The following CDH18 variants were observed in gnomAD, a reference collection of about 807,000 sequenced individuals.
CDH18 encodes the protein cadherin-18.
In CDH18, 31 loss-of-function variants were observed where a neutral mutation model predicts 67.9. The observed-to-expected ratio is 0.46, with a 90% CI of 0.34 to 0.62. The LOEUF is 0.62. Among genes scored for constraint, CDH18 ranks in the 20% least tolerant of loss-of-function variants. The probability of loss-of-function intolerance (pLI) is 0.01; values close to 1 mark genes in which losing one functional copy is unlikely to be tolerated. For synonymous variants in CDH18, 362 were observed against 347.2 expected, an observed-to-expected ratio of 1.04 and a Z score of -0.48; for missense variants, 890 against 975.5, an observed-to-expected ratio of 0.91 and a Z score of 1.17.
intron 2 of CDH18, among the ~76,000 whole-genome samples, chr5:20,041,838 A>T (rs1400268958): frequency 6.6e-6 from 1 of 152,264 alleles, no homozygotes; most frequent in Non-Finnish European, 1.5e-5. Context: ...AAGCAGAATA[A>T]TAATTCTGTT....
intron 2 of CDH18, among the ~76,000 whole-genome samples, chr5:20,016,098 G>A (rs1485465923): frequency 6.6e-6 from 1 of 152,098 alleles, no homozygotes; most frequent in Non-Finnish European, 1.5e-5. Context: ...TAACAAAAAT[G>A]TGGTACTTAT....
intron 2 of CDH18, among the ~76,000 whole-genome samples, chr5:20,154,451 C>A: frequency 6.6e-6 from 1 of 152,096 alleles, no homozygotes; most frequent in Non-Finnish European, 1.5e-5. Context: ...ACAGTCTTCC[C>A]AAACAATATC....
intron 2 of CDH18, among the ~76,000 whole-genome samples, chr5:20,109,497 G>C (rs1747268694): frequency 2.0e-5 from 3 of 152,170 alleles, no homozygotes; most frequent in Admixed American, 2.0e-4. Flanking sequence ...TGCCCCAGAG[G>C]AACGTGGCTC....
intron 5 of CDH18, among the ~76,000 whole-genome samples, chr5:19,630,886 T>C (rs1004412667): frequency 1.3e-5 from 2 of 152,106 alleles, no homozygotes; most frequent in Non-Finnish European, 2.9e-5. Context: ...GGAATTAACA[T>C]GGCAAATAAT....
At chr5:20,467,312 T>C (rs1751703709) in intron 1 of CDH18, among the ~76,000 whole-genome samples, 1 of 146,350 alleles carries the variant, frequency 6.8e-6, no homozygotes, top group African/African-American at 2.5e-5. Flanking sequence ...ATTATATATA[T>C]AAAAAAGGAC....
intron 3 of CDH18, among the ~76,000 whole-genome samples, chr5:19,753,611 A>G (rs1771141524): frequency 6.6e-6 from 1 of 152,218 alleles, no homozygotes; most frequent in African/African-American, 2.4e-5. Flanking sequence ...TGGGGGAAAA[A>G]ATTGAGGAAA....
intron 1 of CDH18, among the ~76,000 whole-genome samples, chr5:20,393,580 C>T (rs1032951731): frequency 1.3e-5 from 2 of 151,840 alleles, no homozygotes; most frequent in Admixed American, 1.3e-4. Flanking sequence ...TACAACTACA[C>T]TATCTCTGTT....
At chr5:19,932,729 G>A (rs1793836659) in intron 2 of CDH18, among the ~76,000 whole-genome samples, 1 of 151,426 alleles carries the variant, frequency 6.6e-6, no homozygotes, top group Non-Finnish European at 1.5e-5. Flanking sequence ...TATCCATCCT[G>A]TCTGCCTTTT....
intron 1 of CDH18, among the ~76,000 whole-genome samples, chr5:20,509,462 G>T (rs1269731058): frequency 6.7e-6 from 1 of 150,324 alleles, no homozygotes; most frequent in Non-Finnish European, 1.5e-5. Context: ...GAGTGCAGTG[G>T]CACGATCTTC....
At chr5:19,912,861 T>C (rs1791304174) in intron 2 of CDH18, among the ~76,000 whole-genome samples, 1 of 152,006 alleles carries the variant, frequency 6.6e-6, no homozygotes, top group Admixed American at 6.6e-5. Context: ...TGAGGACAAC[T>C]CAAAGCAAAG....
intron 1 of CDH18, among the ~76,000 whole-genome samples, chr5:20,314,945 G>A (rs541574901): frequency 6.6e-6 from 1 of 152,154 alleles, no homozygotes; most frequent in African/African-American, 2.4e-5. Flanking sequence ...CAAATGTGAA[G>A]TATAGAACAA....
At chr5:19,505,452 G>A (rs1324089898) in intron 10 of CDH18, among the ~76,000 whole-genome samples, 14 of 152,216 alleles carry the variant, frequency 9.2e-5, no homozygotes, top group African/African-American at 3.4e-4. Flanking sequence ...TTGGCTGTGG[G>A]TTTGTCATAG....
At chr5:19,671,387 A>G (rs1269878261) in intron 5 of CDH18, among the ~76,000 whole-genome samples, 1 of 152,180 alleles carries the variant, frequency 6.6e-6, no homozygotes, top group Admixed American at 6.6e-5. Flanking sequence ...ACATAAATAT[A>G]CCATTGATAG....
chr5:20,349,436 A>G (rs1429788961), intron 1 of CDH18, among the ~76,000 whole-genome samples: 1 of 152,142 alleles, frequency 6.6e-6, no homozygotes, highest in Non-Finnish European at 1.5e-5. Flanking sequence ...ACGCTGGTTT[A>G]TTTTTGAAAT....
chr5:20,094,297 C>T (rs961972267), intron 2 of CDH18, among the ~76,000 whole-genome samples: 2 of 152,092 alleles, frequency 1.3e-5, no homozygotes, highest in Middle Eastern at 3.4e-3. Context: ...ATTTCTGAGG[C>T]CTCTGTTCTG....
At chr5:19,501,961 T>A (rs992845568) in intron 11 of CDH18, among the ~76,000 whole-genome samples, 1 of 152,218 alleles carries the variant, frequency 6.6e-6, no homozygotes. Context: ...TTGATTCCCA[T>A]AAGCAGAGCT....
intron 2 of CDH18, among the ~76,000 whole-genome samples, chr5:20,035,839 C>G (rs1739814905): frequency 6.6e-6 from 1 of 151,816 alleles, no homozygotes; most frequent in South Asian, 2.1e-4. Context: ...TGTGTAGTGC[C>G]CTTTCTAATT....
intron 3 of CDH18, among the ~76,000 whole-genome samples, chr5:19,796,225 A>G (rs1300029348): frequency 1.3e-5 from 2 of 152,150 alleles, no homozygotes; most frequent in Non-Finnish European, 2.9e-5. Flanking sequence ...CAAGAAGCTG[A>G]GAGAATTCCA....
At chr5:20,560,436 A>T (rs1014913385) in intron 1 of CDH18, among the ~76,000 whole-genome samples, 9 of 149,386 alleles carry the variant, frequency 6.0e-5, no homozygotes, top group Non-Finnish European at 1.0e-4. Flanking sequence ...TCATCTAATG[A>T]CTTTAACCAC....
Sources: gnomAD v4.1 joint callset for allele counts (sites outside exome capture counted in the v4.1 genomes callset) on GRCh38, gnomAD v4.1.1 for gene constraint, MANE v1.5 for transcripts, NCBI Gene and HGNC (gene_info 2026-07-23, HGNC 2026-07-21) for gene names.